The following COL10A1 variants were observed in gnomAD, a reference collection of about 807,000 sequenced individuals.
COL10A1 encodes the protein collagen alpha-1(X) chain.
COL10A1 carries 10 observed loss-of-function variants against 18.2 expected under a neutral mutation model. The observed-to-expected ratio is 0.55, with a 90% CI of 0.34 to 0.93. The LOEUF (loss-of-function observed/expected upper bound fraction) is 0.93, where lower values mean the gene tolerates loss of function less well. COL10A1 is among the 40% of genes least tolerant of loss of function. The pLI is 0.02. For synonymous variants in COL10A1, 330 were observed against 316.6 expected, an observed-to-expected ratio of 1.04 and a Z score of -0.45; for missense variants, 897 against 853.5, an observed-to-expected ratio of 1.05 and a Z score of -0.64.
chr6:116,123,557 T>A (rs554881859), intron 2 of COL10A1, among the ~76,000 whole-genome samples: 3 of 152,362 alleles, frequency 2.0e-5, no homozygotes, highest in African/African-American at 7.2e-5. Flanking sequence ...TTAGTATGTT[T>A]TGACAGAACT....
chr6:116,120,571 T>C lies in COL10A1; in HGVS notation c.1545A>G (p.Pro515=). The change falls in exon 3 of 3, where the codon CCA becomes CCG. Residue 515 remains proline (P), a synonymous_variant. Coordinates refer to ENST00000651968, the MANE Select transcript of COL10A1 (RefSeq NM_000493.4). ...CCTCAGGCATGACTGCTTGACCTGG[T>C]GGGCCTGGAGGCCCAGGGGGCCCTG... The part of the protein sequence containing the change: ...GLPGPPGPPG[P]PGQAVMPEGF... The C allele has an allele frequency of 6.2e-7, 1 of 1,606,416 alleles. No homozygotes were observed. Among genetic ancestry groups the C allele is most frequent in the Non-Finnish European group, 8.5e-7 (1 of 1,176,306 alleles).
the COL10A1 span, among the ~76,000 whole-genome samples, chr6:116,184,170 G>GT: frequency 1.3e-5 from 2 of 151,966 alleles, no homozygotes; most frequent in Non-Finnish European, 2.9e-5. Flanking sequence ...TGTGATTTTT[G>GT]TTTCTAATTC....
Position 116,125,523 on chromosome 6 carries a change from G to T in COL10A1, c.-15-16C>A. 6.2e-7 allele frequency: 1 copy of T among 1,610,442 alleles called. No individual in the cohort carries two copies. Among genetic ancestry groups the T allele is most frequent in the Non-Finnish European group, 8.5e-7 (1 of 1,177,316 alleles). ...CAGATGGATTCTGAAAAACAGAAAA[G>T]AATAACTTTATACAGCATTGTTATT... is the stretch of plus-strand genomic sequence containing the variant. On this transcript the variant is annotated splice_polypyrimidine_tract_variant and intron_variant, in intron 1 of 2. Transcript: ENST00000651968.
rs769827122 is a variant in COL10A1 at position 116,121,943 on chromosome 6, T to C, written c.173A>G (p.Glu58Gly). 3 of 1,612,914 alleles carry C rather than the reference T, an allele frequency of 1.9e-6. No individual in the cohort carries two copies. The highest frequency in any genetic ancestry group is 2.5e-6 in the Non-Finnish European group (3 of 1,179,952). Residue 58 changes from glutamate (E) to glycine (G), a missense_variant, in exon 3 of 3, where the codon GAG (glutamate) becomes GGG (glycine). Coordinates refer to ENST00000651968, the MANE Select transcript of COL10A1 (RefSeq NM_000493.4). Reference protein sequence around the residue: ...IKSKGIAVRGEQGTPGPPGPA... With the variant: ...IKSKGIAVRGGQGTPGPPGPA... Reference sequence around the variant, plus strand: ...GCCTGGTGGACCAGGAGTACCTTGCTCTCCTCTTACTGCTATACCTAAAAG... The same window carrying C: ...GCCTGGTGGACCAGGAGTACCTTGCCCTCCTCTTACTGCTATACCTAAAAG...
chr6:116,214,726 T>G, the COL10A1 span, among the ~76,000 whole-genome samples: 1 of 152,178 alleles, frequency 6.6e-6, no homozygotes, highest in Non-Finnish European at 1.5e-5. Context: ...TGCAAAGACA[T>G]TTTAGAGGAG....
intron 1 of COL10A1, among the ~76,000 whole-genome samples, chr6:116,141,513 A>G (rs1257280762): frequency 6.6e-6 from 1 of 152,030 alleles, no homozygotes; most frequent in African/African-American, 2.4e-5. Context: ...AAGTCATTGT[A>G]TATTCAAGAA....
intron 1 of COL10A1, among the ~76,000 whole-genome samples, chr6:116,147,113 A>G (rs575263395): frequency 7.2e-5 from 11 of 152,028 alleles, no homozygotes; most frequent in African/African-American, 2.7e-4. Flanking sequence ...AAAAAACTGC[A>G]TATAAAGAAA....
intron 1 of COL10A1, among the ~76,000 whole-genome samples, chr6:116,136,637 T>C (rs1779611579): frequency 6.6e-6 from 1 of 152,196 alleles, no homozygotes; most frequent in Non-Finnish European, 1.5e-5. Context: ...TTGTGAAATC[T>C]CAGATGTGAC....
chr6:116,167,445 C>T, the COL10A1 span, among the ~76,000 whole-genome samples: 1,262 of 152,152 alleles, frequency 8.3e-3, 24 homozygotes, highest in African/African-American at 0.029. Flanking sequence ...ATCTCCTGGC[C>T]TTGTGATCCA....
rs143615693 is a variant in COL10A1, at chr6:116,157,718, A to T, written c.-16+896T>A. ...ATAAAAACAGTTGAACTAAATTAGA[A>T]TGTTGAAATGGTGAGAGTGGGTGGA... is the stretch of plus-strand genomic sequence containing the variant. On this transcript the variant is annotated intron_variant, in intron 1 of 1. Coordinates refer to the COL10A1 transcript ENST00000418500. 1.4e-4 allele frequency among the ~76,000 whole-genome samples: 21 copies of T among 152,304 alleles called. No homozygotes were observed. The East Asian group carries it at 4.1e-3, about 29-fold the overall frequency.
the COL10A1 span, among the ~76,000 whole-genome samples, chr6:116,179,095 A>G: frequency 1.4e-4 from 22 of 152,258 alleles, 1 homozygote; most frequent in Admixed American, 9.2e-4. Flanking sequence ...TTTATTTAAC[A>G]TAAGTAGAGA....
chr6:116,182,222 A>AGAGAGTGTGTGTGTGTGTGTGT, the COL10A1 span, among the ~76,000 whole-genome samples: 1 of 124,606 alleles, frequency 8.0e-6, no homozygotes, highest in Non-Finnish European at 1.7e-5. Context: ...TTCCATGGAG[A>AGAGAGTGTGTGTGTGTGTGTGT]GTGTGTGTGT....
At chr6:116,171,154 A>G in the COL10A1 span, among the ~76,000 whole-genome samples, 12 of 152,258 alleles carry the variant, frequency 7.9e-5, no homozygotes, top group South Asian at 2.5e-3. Context: ...TTGTTGAATA[A>G]ATGAATATAT....
chr6:116,124,115 G>A (rs1042527904), intron 2 of COL10A1, among the ~76,000 whole-genome samples: 1 of 151,738 alleles, frequency 6.6e-6, no homozygotes, highest in African/African-American at 2.4e-5. Context: ...TTGTATACCT[G>A]TGCATTTATT....
At chr6:116,140,126 A>G (rs371510571) in intron 1 of COL10A1, among the ~76,000 whole-genome samples, 34 of 152,156 alleles carry the variant, frequency 2.2e-4, no homozygotes, top group Non-Finnish European at 4.4e-4. Flanking sequence ...CCGCCCTCCT[A>G]TGGACACCAA....
chr6:116,154,049 A>ATTT (rs1780120071), intron 1 of COL10A1, among the ~76,000 whole-genome samples: 1 of 126,086 alleles, frequency 7.9e-6, no homozygotes, highest in African/African-American at 3.0e-5. Flanking sequence ...TTTTTTTTTG[A>ATTT]GACAGAGTCT....
chr6:116,125,312 T>C (rs1053994343), intron 2 of COL10A1, 27 bp downstream of exon 2: 2 of 1,609,326 alleles, frequency 1.2e-6, no homozygotes, highest in Admixed American at 1.7e-5. Flanking sequence ...AACTTGTTAA[T>C]AGAACAAAAT....
At chr6:116,206,935 T>C in the COL10A1 span, among the ~76,000 whole-genome samples, 3 of 152,120 alleles carry the variant, frequency 2.0e-5, no homozygotes, top group South Asian at 6.2e-4. Flanking sequence ...GGATTTTAAA[T>C]GTTTTCTTCT....
intron 1 of COL10A1, among the ~76,000 whole-genome samples, chr6:116,132,382 C>CT (rs1779490928): frequency 6.6e-6 from 1 of 152,102 alleles, no homozygotes; most frequent in Non-Finnish European, 1.5e-5. Context: ...GCCTACTTTT[C>CT]CTGTACATGT....
Sources: allele counts gnomAD v4.1 joint callset (sites outside exome capture counted in the v4.1 genomes callset), GRCh38; gene constraint gnomAD v4.1.1; transcripts MANE v1.5; gene names NCBI Gene and HGNC (gene_info 2026-07-23, HGNC 2026-07-21).